C11orf65: variants seen among roughly 807,000 people sequenced by gnomAD.
C11orf65 encodes protein MFI.
A neutral mutation model predicts 35.3 loss-of-function variants in C11orf65; 38 were observed. The observed-to-expected ratio is 1.08, with a 90% confidence interval of 0.83 to 1.41. The LOEUF (loss-of-function observed/expected upper bound fraction) is 1.41, where lower values mean the gene tolerates loss of function less well. C11orf65 is among the 40% of genes most tolerant of loss of function. C11orf65 has a pLI of 0.00. For missense variants in C11orf65, 370 were observed against 367.1 expected (o/e 1.01, Z -0.06); for synonymous variants, 105 against 114.4 (o/e 0.92, Z 0.53).
rs958713740 is a variant in C11orf65, at chr11:108,429,218, T to C, written c.174+2528A>G. Among the ~76,000 whole-genome samples the C allele has an allele frequency of 2.6e-5, 4 of 152,014 alleles. No homozygotes were observed. In the East Asian group the frequency reaches 5.8e-4, roughly 22 times the overall value. Reference sequence around the variant, plus strand: ...ACCACATAGGAAAATATTGATAAATTGAACTACATTAAAATTAAGAACTTT... The same window carrying C: ...ACCACATAGGAAAATATTGATAAATCGAACTACATTAAAATTAAGAACTTT... On this transcript the variant is annotated intron_variant, in intron 3 of 8. Coordinates refer to ENST00000393084, the MANE Select transcript of C11orf65 (RefSeq NM_152587.5).
At chr11:108,369,572 A>G (rs1197780898) in intron 2 of C11orf65, among the ~76,000 whole-genome samples, 2 of 152,338 alleles carry the variant, frequency 1.3e-5, no homozygotes, top group South Asian at 2.1e-4. Flanking sequence ...AGTGGAGTCA[A>G]AGTTTCCACA....
chr11:108,362,304 T>C (rs919769347), intron 2 of C11orf65, among the ~76,000 whole-genome samples: 1 of 150,844 alleles, frequency 6.6e-6, no homozygotes, highest in Non-Finnish European at 1.5e-5. Flanking sequence ...AAACAACAGG[T>C]GCTGGAGAGG....
At chr11:108,448,079 A>C (rs2093290878) in intron 2 of C11orf65, among the ~76,000 whole-genome samples, 1 of 152,192 alleles carries the variant, frequency 6.6e-6, no homozygotes, top group East Asian at 1.9e-4. Context: ...CCAAGACTAA[A>C]CCAGGAAGAA....
At chr11:108,404,499 CT>C (rs199673199) in intron 6 of C11orf65, among the ~76,000 whole-genome samples, 2,914 of 152,236 alleles carry the variant, frequency 0.019, 92 homozygotes, top group African/African-American at 0.066. Flanking sequence ...GCTCCGCCTC[CT>C]GGGTTCACGC....
intron 2 of C11orf65, among the ~76,000 whole-genome samples, chr11:108,361,777 C>T (rs1389852173): frequency 6.6e-6 from 1 of 152,142 alleles, no homozygotes; most frequent in East Asian, 1.9e-4. Context: ...CCCTTCCTTA[C>T]ACCTGATACA....
chr11:108,412,180 G>GT (rs1000834650), intron 3 of C11orf65, among the ~76,000 whole-genome samples: 1 of 151,968 alleles, frequency 6.6e-6, no homozygotes, highest in Non-Finnish European at 1.5e-5. Flanking sequence ...AACAGATGGG[G>GT]TTTTTGTCAG....
At chr11:108,429,987 A>G (rs186121668) in intron 3 of C11orf65, among the ~76,000 whole-genome samples, 1 of 152,252 alleles carries the variant, frequency 6.6e-6, no homozygotes, top group African/African-American at 2.4e-5. Context: ...AGATAGGTGG[A>G]AGGGAAAATA....
chr11:108,333,989 G>T (rs1317848959), intron 3 of C11orf65: 1 of 1,568,640 alleles, frequency 6.4e-7, no homozygotes. Context: ...ATTAACTCTT[G>T]ATTTTTTTTA....
downstream of C11orf65, among the ~76,000 whole-genome samples, chr11:108,378,084 C>T (rs1404455446): frequency 6.6e-6 from 1 of 151,948 alleles, no homozygotes; most frequent in African/African-American, 2.4e-5. Context: ...TCAATGCCAT[C>T]CTCATCAAGC....
At chr11:108,408,677 AT>A (rs200129571) in intron 3 of C11orf65, among the ~76,000 whole-genome samples, 20 of 53,476 alleles carry the variant, frequency 3.7e-4, no homozygotes, top group African/African-American at 1.3e-3. Context: ...GTCTCAATAA[AT>A]AAAATAAAAT....
At chr11:108,441,611 T>G (rs1189842873) in intron 2 of C11orf65, among the ~76,000 whole-genome samples, 1 of 152,174 alleles carries the variant, frequency 6.6e-6, no homozygotes, top group Non-Finnish European at 1.5e-5. Flanking sequence ...CAGGTGCCCC[T>G]CTGAGACAAA....
intron 3 of C11orf65, among the ~76,000 whole-genome samples, chr11:108,422,104 A>C (rs1246956745): frequency 6.6e-6 from 1 of 151,818 alleles, no homozygotes; most frequent in African/African-American, 2.4e-5. Context: ...TAATTTTTGT[A>C]TTTTTAGTAG....
chr11:108,419,247 T>C (rs1179249416), intron 3 of C11orf65, among the ~76,000 whole-genome samples: 2 of 152,236 alleles, frequency 1.3e-5, no homozygotes, highest in East Asian at 1.9e-4. Context: ...AATTCAGTGA[T>C]ATTTTAAAGG....
At chr11:108,315,673 A>G in intron 6 of C11orf65, 3 of 681,006 alleles carry the variant, frequency 4.4e-6, no homozygotes, top group Non-Finnish European at 7.7e-6. Flanking sequence ...TGTATTTCAG[A>G]ACTGTATTTC....
At chr11:108,345,619 G>T in intron 2 of C11orf65, 1 of 754,398 alleles carries the variant, frequency 1.3e-6, no homozygotes, top group Non-Finnish European at 2.1e-6. Flanking sequence ...TTAGCTTCTT[G>T]TAGGTAATGT....
rs1555114732 is a variant in C11orf65 at position 108,317,459 on chromosome 11, A to G, written c.641-8388T>C. ...AAAATAAAGACTGGTGTCCTGAACT[A>G]GAAGAACTTCATTACCAAGCAGCAT... On this transcript the variant is annotated intron_variant, in intron 6 of 6. Transcript: ENST00000525729. The G allele has an allele frequency of 6.2e-7, 1 of 1,612,722 alleles. No homozygotes were observed. Among genetic ancestry groups the G allele is most frequent in the East Asian group, 2.2e-5 (1 of 44,804 alleles).
chr11:108,377,790 A>G (rs1033212257), downstream of C11orf65, among the ~76,000 whole-genome samples: 49 of 151,962 alleles, frequency 3.2e-4, no homozygotes, highest in Admixed American at 2.0e-3. Context: ...AAGTCTCAGG[A>G]TACAAAATCA....
At chr11:108,379,628 A>G (rs1008191871), downstream of C11orf65, among the ~76,000 whole-genome samples, 2 of 151,834 alleles carry the variant, frequency 1.3e-5, no homozygotes, top group African/African-American at 2.4e-5. Flanking sequence ...AAGTATAATA[A>G]TAATAAAATA....
intron 7 of C11orf65, 102 bp downstream of exon 7, chr11:108,393,106 G>C: frequency 1.7e-6 from 2 of 1,196,090 alleles, no homozygotes. Flanking sequence ...TTTTTTCTTT[G>C]AAGATTGTTT....
Sources: allele counts gnomAD v4.1 joint callset (sites outside exome capture counted in the v4.1 genomes callset), GRCh38; gene constraint gnomAD v4.1.1; transcripts MANE v1.5; gene names NCBI Gene and HGNC (gene_info 2026-07-23, HGNC 2026-07-21).